Variants in EPHA6 observed in about 807,000 individuals in gnomAD.
EPHA6 encodes the protein ephrin type-A receptor 6.
In EPHA6, 50 loss-of-function variants were observed where a neutral mutation model predicts 112.0. That is an observed-to-expected ratio of 0.45 (90% CI 0.36 to 0.56). The LOEUF is 0.56. Among genes scored for constraint, EPHA6 ranks in the 20% least tolerant of loss-of-function variants. EPHA6 has a pLI of 0.00. For synonymous variants in EPHA6, 529 were observed against 490.7 expected (o/e 1.08, Z -1.03); for missense variants, 1,280 against 1,417.4 (o/e 0.90, Z 1.56).
rs758504809 is a variant in EPHA6, at chr3:97,756,263, T to C, written c.*7562T>C. Among the ~76,000 whole-genome samples, 6 of 151,962 alleles carry C rather than the reference T, an allele frequency of 3.9e-5. No individual in the cohort carries two copies. The highest frequency in any genetic ancestry group is 7.4e-5 in the Non-Finnish European group (5 of 67,840). On this transcript the variant is annotated 3_prime_UTR_variant, in exon 18 of 18. Transcript: ENST00000389672. ...GCTCAAAATTGTAGCCTTTAGAAGC[T>C]CTATAACAAAAATCAATGGCCAATA...
At chr3:97,373,271 TC>T (rs1359252221) in intron 5 of EPHA6, among the ~76,000 whole-genome samples, 4 of 152,164 alleles carry the variant, frequency 2.6e-5, no homozygotes, top group African/African-American at 9.6e-5. Flanking sequence ...GATACAGTTT[TC>T]CATTTCTGTT....
At chr3:97,529,819 C>A (rs1374001550) in intron 10 of EPHA6, among the ~76,000 whole-genome samples, 1 of 151,916 alleles carries the variant, frequency 6.6e-6, no homozygotes, top group East Asian at 1.9e-4. Context: ...CTTGATCATG[C>A]AAAGCTTGAC....
intron 3 of EPHA6, among the ~76,000 whole-genome samples, chr3:97,195,321 C>A (rs1427645408): frequency 6.6e-6 from 1 of 151,984 alleles, no homozygotes; most frequent in Non-Finnish European, 1.5e-5. Context: ...AAACTGATGA[C>A]AACTTAACAT....
At chr3:97,426,719 C>G (rs1049857470) in intron 6 of EPHA6, among the ~76,000 whole-genome samples, 3 of 152,030 alleles carry the variant, frequency 2.0e-5, no homozygotes, top group Non-Finnish European at 2.9e-5. Context: ...CTAAAGAGCT[C>G]CTGCCAACCA....
At chr3:97,388,465 G>T (rs1043011235) in intron 5 of EPHA6, among the ~76,000 whole-genome samples, 1 of 152,030 alleles carries the variant, frequency 6.6e-6, no homozygotes, top group Non-Finnish European at 1.5e-5. Context: ...AGAATTGGGG[G>T]TTTATATACA....
At chr3:97,723,001 T>C (rs1325297587) in intron 15 of EPHA6, among the ~76,000 whole-genome samples, 1 of 152,060 alleles carries the variant, frequency 6.6e-6, no homozygotes, top group Non-Finnish European at 1.5e-5. Context: ...AAGAAAGGGG[T>C]GAGATGATTT....
chr3:97,288,421 CT>C (rs1352882229), intron 5 of EPHA6, among the ~76,000 whole-genome samples: 5 of 152,182 alleles, frequency 3.3e-5, no homozygotes, highest in Non-Finnish European at 7.3e-5. Context: ...TGATTTGATT[CT>C]TTTTCATGAC....
At chr3:97,444,392 A>G (rs1000310570) in intron 6 of EPHA6, among the ~76,000 whole-genome samples, 1 of 152,130 alleles carries the variant, frequency 6.6e-6, no homozygotes, top group Admixed American at 6.6e-5. Flanking sequence ...ATGAGGAATG[A>G]TGACAATGAT....
chr3:97,591,531 A>G (rs1406853263), intron 11 of EPHA6, among the ~76,000 whole-genome samples: 1 of 152,112 alleles, frequency 6.6e-6, no homozygotes, highest in Non-Finnish European at 1.5e-5. Flanking sequence ...CAGTCCTTAC[A>G]ATCATCAGTG....
chr3:97,414,384 G>A (rs1220921775), intron 6 of EPHA6, among the ~76,000 whole-genome samples: 1 of 151,894 alleles, frequency 6.6e-6, no homozygotes, highest in Non-Finnish European at 1.5e-5. Context: ...ATTTCTTTTA[G>A]AAAATGCCTT....
intron 2 of EPHA6, among the ~76,000 whole-genome samples, chr3:96,908,066 G>A (rs1261193120): frequency 6.6e-6 from 1 of 151,950 alleles, no homozygotes; most frequent in Non-Finnish European, 1.5e-5. Flanking sequence ...GCATGTTCCT[G>A]TATGGAATAT....
intron 3 of EPHA6, among the ~76,000 whole-genome samples, chr3:97,001,432 A>C (rs2043660373): frequency 6.6e-6 from 1 of 151,922 alleles, no homozygotes; most frequent in South Asian, 2.1e-4. Flanking sequence ...GCTTTACAAA[A>C]ATTTAAGAAA....
intron 2 of EPHA6, among the ~76,000 whole-genome samples, chr3:96,881,992 C>T (rs553428753): frequency 6.4e-4 from 98 of 152,270 alleles, no homozygotes; most frequent in Admixed American, 1.9e-3. Context: ...TGTGGCTTTG[C>T]GGGGTACAGC....
At chr3:97,722,127 G>A (rs2034558742) in intron 15 of EPHA6, among the ~76,000 whole-genome samples, 1 of 152,054 alleles carries the variant, frequency 6.6e-6, no homozygotes, top group Non-Finnish European at 1.5e-5. Context: ...TATTCTATTT[G>A]GTTCTTGTCT....
chr3:97,137,722 A>C (rs1188262261), intron 3 of EPHA6, among the ~76,000 whole-genome samples: 5 of 152,212 alleles, frequency 3.3e-5, no homozygotes, highest in African/African-American at 1.2e-4. Flanking sequence ...AGGTCTAGAC[A>C]TTGGTTTTAC....
intron 6 of EPHA6, among the ~76,000 whole-genome samples, chr3:97,414,214 AT>A (rs998771626): frequency 1.5e-4 from 23 of 152,190 alleles, no homozygotes; most frequent in African/African-American, 2.9e-4. Context: ...TTTCCCAATA[AT>A]TTTTTATATA....
At chr3:97,041,879 A>G (rs2045328700) in intron 3 of EPHA6, among the ~76,000 whole-genome samples, 1 of 152,084 alleles carries the variant, frequency 6.6e-6, no homozygotes, top group African/African-American at 2.4e-5. Flanking sequence ...AATCCTCCCC[A>G]GTGATCTAAT....
chr3:97,598,426 C>T (rs1221405496), intron 12 of EPHA6, among the ~76,000 whole-genome samples: 2 of 120,478 alleles, frequency 1.7e-5, no homozygotes, highest in Non-Finnish European at 3.4e-5. Flanking sequence ...TCCCCCCACC[C>T]CACCACAGTC....
intron 11 of EPHA6, among the ~76,000 whole-genome samples, chr3:97,536,265 A>G (rs2092762815): frequency 1.3e-5 from 2 of 152,166 alleles, no homozygotes; most frequent in African/African-American, 4.8e-5. Flanking sequence ...AGCAAGAACT[A>G]TGGTTTAATG....
Sources: gnomAD v4.1 joint callset for allele counts (sites outside exome capture counted in the v4.1 genomes callset) on GRCh38, gnomAD v4.1.1 for gene constraint, MANE v1.5 for transcripts, NCBI Gene and HGNC (gene_info 2026-07-23, HGNC 2026-07-21) for gene names.